Variants in FCRL1 observed in about 807,000 individuals in gnomAD.
FCRL1 encodes the protein Fc receptor like 1, also known as Fc receptor-like protein 1.
In FCRL1, 34 loss-of-function variants were observed where a neutral mutation model predicts 49.2. That is an observed-to-expected ratio of 0.69 (90% CI 0.53 to 0.92). The LOEUF (loss-of-function observed/expected upper bound fraction) is 0.92, where lower values mean the gene tolerates loss of function less well. Ranked by LOEUF, FCRL1 falls within the 40% of genes least tolerant of loss-of-function variation. The pLI, the probability that FCRL1 is intolerant of heterozygous loss-of-function variation, is 0.00. For missense variants in FCRL1, 524 were observed against 524.1 expected (o/e 1.00, Z 0.00); for synonymous variants, 218 against 201.6 (o/e 1.08, Z -0.69).
Position 157,798,349 on chromosome 1 carries a change from C to T in FCRL1, c.1032-106G>A, listed in dbSNP as rs565751519. On this transcript the variant is annotated intron_variant, in intron 7 of 10. Transcript: ENST00000368176. Reference sequence around the variant, plus strand: ...GTGACAAATTGTCCTGAGCAGAATACTAAGTTACGGGGAAATGAGCAGCTA... The same window carrying T: ...GTGACAAATTGTCCTGAGCAGAATATTAAGTTACGGGGAAATGAGCAGCTA... 2.9e-5 allele frequency: 28 copies of T among 956,172 alleles called. No homozygotes were observed. The South Asian group carries it at 4.2e-4, about 14-fold the overall frequency. 59.2% of individuals were successfully genotyped at this position (956,172 alleles called of 1,614,324 possible). A position where few individuals can be genotyped will look rare whatever the true frequency, so the allele number is the denominator to read the frequency against.
At chr1:157,809,449 C>A (rs565696176) in intron 1 of FCRL1, among the ~76,000 whole-genome samples, 23 of 152,060 alleles carry the variant, frequency 1.5e-4, no homozygotes, top group South Asian at 6.3e-4. Context: ...ACAAAAAAAA[C>A]CACAAATGAT....
chr1:157,815,511 T>C (rs1029631553), intron 1 of FCRL1, among the ~76,000 whole-genome samples: 11 of 151,258 alleles, frequency 7.3e-5, no homozygotes, highest in Non-Finnish European at 1.2e-4. Context: ...AGAAGAAAGA[T>C]CTAAAATAGG....
At position 157,795,196 on chromosome 1, in the gene FCRL1, A is replaced by G. The variant is rs1364894221; in HGVS notation, c.*903T>C. On this transcript the variant is annotated 3_prime_UTR_variant, in exon 11 of 11. Transcript: ENST00000368176. ...AAACGGTGAAATCTTGTCTCTACGT[A>G]AGACAAAAAATGGCCAAGTTTGGTG... is the stretch of plus-strand genomic sequence containing the variant. 1 of 152,146 alleles carries G rather than the reference A, an allele frequency of 6.6e-6. No homozygotes were observed. The highest frequency in any genetic ancestry group is 1.5e-5 in the Non-Finnish European group (1 of 68,032). 9.4% of individuals were successfully genotyped at this position (152,146 alleles called of 1,614,324 possible). A position where few individuals can be genotyped will look rare whatever the true frequency, so the allele number is the denominator to read the frequency against.
chr1:157,801,733 A>C, intron 5 of FCRL1, 156 bp from the exon 6 acceptor site: 2 of 855,462 alleles, frequency 2.3e-6, no homozygotes, highest in Non-Finnish European at 1.8e-6. Flanking sequence ...TTATGACAAG[A>C]GAAGAGCTGC....
At chr1:157,813,901 A>G (rs1428113269) in intron 1 of FCRL1, among the ~76,000 whole-genome samples, 1 of 152,216 alleles carries the variant, frequency 6.6e-6, no homozygotes, top group Non-Finnish European at 1.5e-5. Flanking sequence ...ATCACCAGAA[A>G]TCATGCAGGC....
intron 1 of FCRL1, among the ~76,000 whole-genome samples, chr1:157,817,524 A>G (rs1655207631): frequency 6.6e-6 from 1 of 152,180 alleles, no homozygotes; most frequent in Non-Finnish European, 1.5e-5. Context: ...ACAAAAATCA[A>G]CTCAAAATGG....
At chr1:157,814,399 TTATAAC>T (rs1238985873) in intron 1 of FCRL1, among the ~76,000 whole-genome samples, 1 of 152,006 alleles carries the variant, frequency 6.6e-6, no homozygotes, top group East Asian at 1.9e-4. Flanking sequence ...AAGTACTCTA[TTATAAC>T]TATAAGATTT....
At chr1:157,806,936 G>T in intron 2 of FCRL1, 166 bp downstream of exon 2, 3 of 659,288 alleles carry the variant, frequency 4.6e-6, no homozygotes, top group Non-Finnish European at 8.0e-6. Flanking sequence ...AGACAGAGCA[G>T]CCCAGGCCCA....
At chr1:157,799,304 T>C (rs931800150) in intron 7 of FCRL1, among the ~76,000 whole-genome samples, 2 of 152,146 alleles carry the variant, frequency 1.3e-5, no homozygotes, top group Non-Finnish European at 1.5e-5. Flanking sequence ...CCAGCCGCAA[T>C]GTGATTTTAA....
In FCRL1 at chr1:157,797,960, C is replaced by T. The variant is rs757134827; in HGVS notation, c.1115-21G>A. The T allele has an allele frequency of 2.5e-6, 4 of 1,611,408 alleles. No homozygotes were observed. The Admixed American group carries it at 5.0e-5, about 20-fold the overall frequency. On this transcript the variant is annotated intron_variant, in intron 8 of 10. Transcript: ENST00000368176. ...ATTCACTGCAAGAGAAGGAGGGAGA[C>T]TTCATGACACAGCCCCTGATTCCTG...
intron 4 of FCRL1, 92 bp from the exon 5 acceptor site, chr1:157,802,285 C>T (rs1177448436): frequency 1.9e-6 from 3 of 1,577,058 alleles, no homozygotes; most frequent in Non-Finnish European, 1.7e-6. Flanking sequence ...ATTGAACTTC[C>T]TCAGCATGCC....
Position 157,795,973 on chromosome 1 carries a change from T to G in FCRL1, c.*126A>C. On this transcript the variant is annotated 3_prime_UTR_variant, in exon 11 of 11. Transcript: ENST00000368176. ...CACTTCACAGTAGATGAAGGAATAG[T>G]GCCATGGAGAATGGCATCCAGAAGA... The G allele has an allele frequency of 1.3e-6, 1 of 798,360 alleles. No homozygotes were observed. The highest frequency in any genetic ancestry group is 2.1e-6 in the Non-Finnish European group (1 of 466,390). The allele number at this position is 798,360 out of a possible 1,614,324, so 49.5% of individuals were successfully genotyped here.
chr1:157,811,234 T>A (rs1654279177), intron 1 of FCRL1, among the ~76,000 whole-genome samples: 2 of 152,086 alleles, frequency 1.3e-5, no homozygotes, highest in Admixed American at 1.3e-4. Flanking sequence ...AAAAAAAGAC[T>A]GAAACAATAA....
intron 1 of FCRL1, among the ~76,000 whole-genome samples, chr1:157,810,047 C>A (rs999498153): frequency 6.6e-6 from 1 of 152,138 alleles, no homozygotes; most frequent in Non-Finnish European, 1.5e-5. Context: ...AAAGAGTGAT[C>A]AAATGCCCCT....
In FCRL1 at chr1:157,796,174, G is replaced by C. The variant is rs2101804858; in HGVS notation, c.1219-4C>G. ...TGGAATAGATGTCTAAGGAAACCTG[G>C]AAGCAAAGATTAGGACTAGAGCAGG... On this transcript the variant is annotated splice_region_variant and splice_polypyrimidine_tract_variant and intron_variant, in intron 10 of 10. Coordinates refer to ENST00000368176, the MANE Select transcript of FCRL1 (RefSeq NM_052938.5). 6.2e-7 allele frequency: 1 copy of C among 1,613,462 alleles called. No homozygotes were observed. Among genetic ancestry groups the C allele is most frequent in the Non-Finnish European group, 8.5e-7 (1 of 1,179,468 alleles).
Position 157,803,889 on chromosome 1 carries a change from G to A in FCRL1, c.275C>T (p.Ala92Val), listed in dbSNP as rs200909970. Residue 92 changes from alanine to valine, a missense_variant, in exon 3 of 11, where the codon GCG (alanine) becomes GTG (valine). Physicochemically the swap from Ala to Val is moderately conservative, Grantham distance 64. Transcript: ENST00000368176. ...GSYWCEAQTM[A>V]SKVLRSRRSQ... ...TCTCCTGCTCCTCAAGACTTTGGAC[G>A]CCATTGTCTGTGCCTCGCACCAGTA... 3.7e-5 allele frequency: 60 copies of A among 1,614,118 alleles called. No homozygotes were observed. The East Asian group carries it at 8.2e-4, about 22-fold the overall frequency.
chr1:157,798,143 C>T lies in FCRL1; in HGVS notation c.1114+18G>A, dbSNP rs12079189. On this transcript the variant is annotated intron_variant, in intron 8 of 10. Transcript: ENST00000368176. ...CTTGCTGTACCATCGTTGGCCTGGG[C>T]CATTTGGGAAGGCTCACCATTTTCA... 4.9e-3 allele frequency: 7,945 copies of T among 1,605,526 alleles called. 304 individuals carry two copies. In the African/African-American group the frequency reaches 0.088, roughly 18 times the overall value.
intron 1 of FCRL1, among the ~76,000 whole-genome samples, chr1:157,813,189 A>T (rs1998816): frequency 0.16 from 24,081 of 152,234 alleles, 1,952 homozygotes; most frequent in East Asian, 0.22. Context: ...TAAAGCAGGA[A>T]CACAACAAAC....
intron 2 of FCRL1, 143 bp from the exon 3 acceptor site, chr1:157,804,254 C>A (rs536688938): frequency 3.7e-5 from 35 of 937,812 alleles, no homozygotes; most frequent in Middle Eastern, 6.9e-4. Flanking sequence ...CCACCCCCCC[C>A]CCAGTGGCCC....
Sources: gnomAD v4.1 joint callset for allele counts (sites outside exome capture counted in the v4.1 genomes callset) on GRCh38, gnomAD v4.1.1 for gene constraint, MANE v1.5 for transcripts, NCBI Gene and HGNC (gene_info 2026-07-23, HGNC 2026-07-21) for gene names.